Variants in DEK observed in about 807,000 individuals in gnomAD.
DEK encodes protein DEK.
In DEK, 28 loss-of-function variants were observed where a neutral mutation model predicts 46.8. That is an observed-to-expected ratio of 0.60 (90% confidence interval 0.44 to 0.82). The LOEUF is 0.82. Ranked by LOEUF, DEK falls within the 40% of genes least tolerant of loss-of-function variation. The pLI, the probability that DEK is intolerant of heterozygous loss-of-function variation, is 0.00. For missense variants in DEK, 416 were observed against 430.6 expected, an observed-to-expected ratio of 0.97 and a Z score of 0.30; for synonymous variants, 160 against 144.5, an observed-to-expected ratio of 1.11 and a Z score of -0.77.
Position 18,239,338 on chromosome 6 carries a change from CTTTTTTT to C in DEK, c.763-1829_763-1823del, listed in dbSNP as rs58941276. ...CAAGCTATTCATTGGATTTTAGTGT[CTTTTTTT>C]TTTTTTTTTTTTTTTTAAAAAAAAG... On this transcript the variant is annotated intron_variant, in intron 7 of 10. Transcript: ENST00000652689. Among the ~76,000 whole-genome samples the C allele has an allele frequency of 1.3e-4, 10 of 78,290 alleles. No individual in the cohort carries two copies. The East Asian group carries it at 1.9e-3, about 15-fold the overall frequency. 51.4% of individuals were successfully genotyped at this position (78,290 alleles called of 152,430 possible). A position where few individuals can be genotyped will look rare whatever the true frequency, so the allele number is the denominator to read the frequency against.
intron 2 of DEK, among the ~76,000 whole-genome samples, chr6:18,263,641 CT>C (rs1219810431): frequency 2.0e-5 from 3 of 152,206 alleles, no homozygotes; most frequent in African/African-American, 7.2e-5. Flanking sequence ...CTAACAAATA[CT>C]TTAAAAACCG....
chr6:18,245,662 CCT>C (rs1561983543), intron 7 of DEK, among the ~76,000 whole-genome samples: 1 of 152,182 alleles, frequency 6.6e-6, no homozygotes, highest in African/African-American at 2.4e-5. Flanking sequence ...ACTATTTCCC[CCT>C]TTTTTCTGTA....
At chr6:18,260,381 T>C (rs778220211) in intron 2 of DEK, among the ~76,000 whole-genome samples, 2 of 152,188 alleles carry the variant, frequency 1.3e-5, no homozygotes, top group Admixed American at 6.5e-5. Context: ...GCCAACAGTA[T>C]ATGCCTGTCT....
intron 7 of DEK, among the ~76,000 whole-genome samples, chr6:18,241,063 A>T (rs2151084052): frequency 6.6e-6 from 1 of 152,322 alleles, no homozygotes; most frequent in African/African-American, 2.4e-5. Context: ...TTTTTAGATT[A>T]ATGCTGAGTT....
intron 9 of DEK, among the ~76,000 whole-genome samples, chr6:18,227,798 G>A (rs781258100): frequency 5.3e-5 from 8 of 152,124 alleles, no homozygotes; most frequent in Non-Finnish European, 1.0e-4. Flanking sequence ...CTTTATGTTG[G>A]CAAGTCATCT....
chr6:18,260,519 C>T (rs2151095646), intron 2 of DEK, among the ~76,000 whole-genome samples: 1 of 152,292 alleles, frequency 6.6e-6, no homozygotes, highest in East Asian at 1.9e-4. Context: ...ATACCATCCA[C>T]CCACCTGCCA....
At chr6:18,244,559 C>A (rs1235645651) in intron 7 of DEK, 1 of 1,289,084 alleles carries the variant, frequency 7.8e-7, no homozygotes, top group South Asian at 1.2e-5. Flanking sequence ...AAAAAAGACG[C>A]CTGTCACAGA....
chr6:18,264,238 C>A, intron 1 of DEK, 147 bp downstream of exon 1: 1 of 286,820 alleles, frequency 3.5e-6, no homozygotes. Context: ...CGCGCCCGCC[C>A]GGCCTGCGCT....
chr6:18,233,251 G>C (rs1241873521), intron 9 of DEK, among the ~76,000 whole-genome samples: 1 of 152,092 alleles, frequency 6.6e-6, no homozygotes, highest in African/African-American at 2.4e-5. Context: ...AAAAACCCTA[G>C]AAGAAAACCT....
rs172520 is a variant in DEK, at chr6:18,258,285, G to A, written c.247+19C>T. The A allele has an allele frequency of 0.24, 378,220 of 1,585,128 alleles. 53,129 individuals carry two copies. Among genetic ancestry groups the A allele is most frequent in the African/African-American group, 0.57 (41,831 of 73,692 alleles). On this transcript the variant is annotated intron_variant, in intron 3 of 10. Transcript: ENST00000652689. ...AGGCACTTTCACCACAAAATGAAAG[G>A]AAGCTAGAATAAACTTACCTTGTGC... is the stretch of plus-strand genomic sequence containing the variant.
At chr6:18,245,105 A>C (rs897164934) in intron 7 of DEK, among the ~76,000 whole-genome samples, 1 of 152,220 alleles carries the variant, frequency 6.6e-6, no homozygotes, top group Admixed American at 6.5e-5. Context: ...CAGACAACAA[A>C]GTGCTGGCTG....
In DEK at chr6:18,225,661, A is replaced by G. The variant is rs776805647; in HGVS notation, c.*58T>C. 17 of 1,574,964 alleles carry G rather than the reference A, an allele frequency of 1.1e-5. No homozygotes were observed. The highest frequency in any genetic ancestry group is 1.3e-5 in the Non-Finnish European group (15 of 1,152,974). On this transcript the variant is annotated 3_prime_UTR_variant, in exon 11 of 11. Transcript: ENST00000652689. ...GAAATACATTCTCTTTGCTGGTATA[A>G]TGGTATAAATCAGATCTTCAAATCT...
chr6:18,230,872 C>A (rs559744197), intron 9 of DEK, among the ~76,000 whole-genome samples: 1 of 152,166 alleles, frequency 6.6e-6, no homozygotes, highest in Non-Finnish European at 1.5e-5. Context: ...CTGCACCAAG[C>A]GGACCTAACA....
Position 18,257,919 on chromosome 6 carries a change from A to G in DEK, c.357+34T>C, listed in dbSNP as rs564966830. ...GAAATTGATTCCATTGTGAAGTAAT[A>G]TACAAGTAGGTTTAAAGTGTAAAAA... is the stretch of plus-strand genomic sequence containing the variant. On this transcript the variant is annotated intron_variant, in intron 4 of 10. Transcript: ENST00000652689. 3 of 1,458,736 alleles carry G rather than the reference A, an allele frequency of 2.1e-6. No individual in the cohort carries two copies. In the African/African-American group the frequency reaches 4.3e-5, roughly 21 times the overall value. The allele number at this position is 1,458,736 out of a possible 1,614,324, so 90.4% of individuals were successfully genotyped here.
Position 18,224,281 on chromosome 6 carries a change from T to C in DEK, c.*1438A>G, listed in dbSNP as rs769306093. 8 of 182,486 alleles carry C rather than the reference T, an allele frequency of 4.4e-5. No individual in the cohort carries two copies. Among genetic ancestry groups the C allele is most frequent in the Non-Finnish European group, 7.0e-5 (6 of 85,674 alleles). 11.3% of individuals were successfully genotyped at this position (182,486 alleles called of 1,614,324 possible). On this transcript the variant is annotated 3_prime_UTR_variant, in exon 11 of 11. Coordinates refer to ENST00000652689, the MANE Select transcript of DEK (RefSeq NM_003472.4). The stretch of plus-strand genomic sequence containing the variant: ...TTTAGTTGCTTATTTTGTTCACTTG[T>C]ATTTACCTTTCCCTAGTGTCTGAGT...
intron 7 of DEK, chr6:18,244,548 CAA>C: frequency 7.8e-7 from 1 of 1,288,926 alleles, no homozygotes; most frequent in Non-Finnish European, 1.0e-6. Context: ...GGAGGGTCTC[CAA>C]AAAAGACGCC....
At chr6:18,262,919 G>C (rs553119948) in intron 2 of DEK, among the ~76,000 whole-genome samples, 12 of 152,208 alleles carry the variant, frequency 7.9e-5, no homozygotes, top group African/African-American at 2.6e-4. Context: ...GTGACCACAG[G>C]CTGGTTGAGG....
rs755847369 is a variant in DEK, at chr6:18,258,355, A to G, written c.196T>C (p.Leu66=). 4 of 1,613,186 alleles carry G rather than the reference A, an allele frequency of 2.5e-6. No homozygotes were observed. The highest frequency in any genetic ancestry group is 3.4e-6 in the Non-Finnish European group (4 of 1,179,728). ...GKREKKKVER[L]TMQVSSLQRE... ...TGTAAGGAAGAGACTTGCATTGTCA[A>G]CCTCTCTACTTTTTTCTTTTCCCTC... The change falls in exon 3 of 11, where the codon TTG becomes CTG. Residue 66 remains leucine (L), a synonymous_variant. Transcript: ENST00000652689.
intron 9 of DEK, among the ~76,000 whole-genome samples, chr6:18,231,869 C>T (rs1437845209): frequency 1.3e-5 from 2 of 152,174 alleles, no homozygotes; most frequent in African/African-American, 4.8e-5. Flanking sequence ...TTTTATGAGG[C>T]CACCATCATC....
Sources: gnomAD v4.1 joint callset for allele counts (sites outside exome capture counted in the v4.1 genomes callset) on GRCh38, gnomAD v4.1.1 for gene constraint, MANE v1.5 for transcripts, NCBI Gene and HGNC (gene_info 2026-07-23, HGNC 2026-07-21) for gene names.